Variants in TRAPPC2B observed in about 807,000 individuals in gnomAD.
TRAPPC2B encodes the protein MBP-1 interacting protein-2A.
Under a neutral mutation model 8.4 loss-of-function variants are expected in TRAPPC2B, and 5 were observed. The observed-to-expected ratio is 0.59, with a 90% CI of 0.31 to 1.25. The LOEUF (loss-of-function observed/expected upper bound fraction) is 1.25. Ranked by LOEUF, TRAPPC2B falls within the 50% of genes most tolerant of loss-of-function variation. The pLI is 0.06. For missense variants in TRAPPC2B, 161 were observed against 173.2 expected (o/e 0.93, Z 0.40); for synonymous variants, 46 against 58.1 (o/e 0.79, Z 0.95).
chr19:57,364,443 T>TCGGTGGTCGACGTA, intron 1 of TRAPPC2B: 3 of 206,432 alleles, frequency 1.5e-5, no homozygotes, highest in South Asian at 8.0e-5. Flanking sequence ...GTGTAGATTC[T>TCGGTGGTCGACGTA]TCAAAAGAAT....
Position 57,364,813 on chromosome 19 carries a change from A to T in TRAPPC2B, c.-19-2A>T, listed in dbSNP as rs768593746. The T allele has an allele frequency of 6.3e-7, 1 of 1,582,290 alleles. No individual in the cohort carries two copies. The highest frequency in any genetic ancestry group is 2.3e-5 in the East Asian group (1 of 44,304). On this transcript the variant is annotated splice_acceptor_variant, in intron 1 of 1. Transcript: ENST00000543226. LOFTEE classifies it low-confidence loss of function (5UTR_SPLICE). Reference sequence around the variant, plus strand: ...GTTTCCGTTGTCGGCCTCCCGCTGCAGGAGCCATATATTGAAGACCATGTC... The same window carrying T: ...GTTTCCGTTGTCGGCCTCCCGCTGCTGGAGCCATATATTGAAGACCATGTC...
At position 57,363,679 on chromosome 19, in the gene TRAPPC2B, C is replaced by G. The variant is rs2088438019; in HGVS notation, c.-44C>G. ...CCCCTCTCTTCCCTGGCTGGACTTG[C>G]GGAGTCCCCGCCGAAGAACCCGAGG... On this transcript the variant is annotated 5_prime_UTR_variant, in exon 1 of 2. Transcript: ENST00000543226. 1 of 153,058 alleles carries G rather than the reference C, an allele frequency of 6.5e-6. No individual in the cohort carries two copies. Among genetic ancestry groups the G allele is most frequent in the Non-Finnish European group, 1.5e-5 (1 of 68,292 alleles). 9.5% of individuals were successfully genotyped at this position (153,058 alleles called of 1,614,324 possible). A position where few individuals can be genotyped will look rare whatever the true frequency, so the allele number is the denominator to read the frequency against.
chr19:57,364,905 A>G lies in TRAPPC2B; in HGVS notation c.72A>G (p.Pro24=). ...DNPVFEMEFL[P]AGKAESKDDH... is the part of the protein sequence containing the mutation. The stretch of plus-strand genomic sequence containing the variant: ...CAGTTTTTGAAATGGAGTTTTTGCC[A>G]GCTGGGAAGGCAGAATCCAAAGACG... Residue 24 remains proline (P), a synonymous_variant, in exon 2 of 2, where the codon CCA becomes CCG. Coordinates refer to ENST00000543226, the MANE Select transcript of TRAPPC2B (RefSeq NM_001355204.2). 1.2e-6 allele frequency: 2 copies of G among 1,612,640 alleles called. No homozygotes were observed. Among genetic ancestry groups the G allele is most frequent in the Non-Finnish European group, 1.7e-6 (2 of 1,178,866 alleles).
Position 57,365,103 on chromosome 19 carries a change from A to G in TRAPPC2B, c.270A>G (p.Arg90=). 1.2e-6 allele frequency: 2 copies of G among 1,608,450 alleles called. No individual in the cohort carries two copies. Among genetic ancestry groups the G allele is most frequent in the Non-Finnish European group, 1.7e-6 (2 of 1,175,528 alleles). ...HMRFIMLHDI[R]QEDGIKNFFT... ...GGTTTATTATGCTTCATGACATAAG[A>G]CAAGAAGATGGAATAAAGAACTTCT... The change falls in exon 2 of 2, where the codon AGA becomes AGG. Residue 90 remains arginine, a synonymous_variant. Transcript: ENST00000543226.
chr19:57,364,155 T>C (rs749344990), intron 1 of TRAPPC2B: 1 of 153,062 alleles, frequency 6.5e-6, no homozygotes, highest in Non-Finnish European at 1.4e-5. Context: ...AGAGGGACAA[T>C]GTGATGGGAT....
Position 57,365,160 on chromosome 19 carries a change from T to C in TRAPPC2B, c.327T>C (p.Phe109=), listed in dbSNP as rs1426374917. Residue 109 remains phenylalanine (F), a synonymous_variant, in exon 2 of 2, where the codon TTT becomes TTC. Transcript: ENST00000543226. ...ATGTTTATGATTTATATATAAAATT[T>C]TCAATGAATCCATTTTATGAACCCA... The part of the protein sequence containing the change: ...FTDVYDLYIK[F]SMNPFYEPNS... 6.3e-7 allele frequency: 1 copy of C among 1,595,932 alleles called. No individual in the cohort carries two copies. The highest frequency in any genetic ancestry group is 8.5e-7 in the Non-Finnish European group (1 of 1,169,856).
Position 57,365,097 on chromosome 19 carries a change from C to T in TRAPPC2B, c.264C>T (p.Asp88=), listed in dbSNP as rs1208835127. 1.2e-6 allele frequency: 2 copies of T among 1,609,500 alleles called. No individual in the cohort carries two copies. The highest frequency in any genetic ancestry group is 1.3e-5 in the African/African-American group (1 of 74,940). ...AGHMRFIMLH[D]IRQEDGIKNF... ...ATATGAGGTTTATTATGCTTCATGACATAAGACAAGAAGATGGAATAAAGA... is the reference window on the plus strand; with the variant it reads ...ATATGAGGTTTATTATGCTTCATGATATAAGACAAGAAGATGGAATAAAGA... The change falls in exon 2 of 2, where the codon GAC becomes GAT. Residue 88 remains aspartate, a synonymous_variant. Coordinates refer to ENST00000543226, the MANE Select transcript of TRAPPC2B (RefSeq NM_001355204.2).
chr19:57,365,009 T>C lies in TRAPPC2B; in HGVS notation c.176T>C (p.Met59Thr), dbSNP rs572801179. The C allele has an allele frequency of 3.1e-6, 5 of 1,612,750 alleles. No homozygotes were observed. The highest frequency in any genetic ancestry group is 4.2e-6 in the Non-Finnish European group (5 of 1,178,922). The part of the protein sequence containing the change: ...VDENMWLSNN[M>T]YLKTVDKFNE... ...GAGAACATGTGGCTGTCGAACAACA[T>C]GTACTTGAAAACTGTGGACAAGTTC... Residue 59 changes from methionine to threonine, a missense_variant, in exon 2 of 2, where the codon ATG becomes ACG. Transcript: ENST00000543226.
In TRAPPC2B at chr19:57,365,296, T is replaced by TGTACACATTCCTGA; in HGVS notation, c.*43_*44insCACATTCCTGAGTA. 7.5e-7 allele frequency: 1 copy of TGTACACATTCCTGA among 1,328,888 alleles called. No homozygotes were observed. The highest frequency in any genetic ancestry group is 1.1e-6 in the Non-Finnish European group (1 of 946,280). 82.3% of individuals were successfully genotyped at this position (1,328,888 alleles called of 1,614,324 possible). A position where few individuals can be genotyped will look rare whatever the true frequency, so the allele number is the denominator to read the frequency against. On this transcript the variant is annotated 3_prime_UTR_variant, in exon 2 of 2. Coordinates refer to ENST00000543226, the MANE Select transcript of TRAPPC2B (RefSeq NM_001355204.2). ...AAAATAAATTATATCACCACAATGGTGTATACTCAGGAATGTGTACATTGT... is the reference window on the plus strand; with the variant it reads ...AAAATAAATTATATCACCACAATGGTGTACACATTCCTGAGTATACTCAGGAATGTGTACATTGT...
rs534145442 is a variant in TRAPPC2B at position 57,364,598 on chromosome 19, G to C, written c.-19-217G>C. On this transcript the variant is annotated intron_variant, in intron 1 of 1. Transcript: ENST00000543226. Reference sequence around the variant, plus strand: ...TTTAGTAAAAATACAAAAATTAGCCGGGGGTGGTGACGCGCGCCTGTAATC... The same window carrying C: ...TTTAGTAAAAATACAAAAATTAGCCCGGGGTGGTGACGCGCGCCTGTAATC... 1,178 of 573,494 alleles carry C rather than the reference G, an allele frequency of 2.1e-3. 2 individuals carry two copies. The highest frequency in any genetic ancestry group is 3.1e-3 in the Admixed American group (101 of 32,774). 35.5% of individuals were successfully genotyped at this position (573,494 alleles called of 1,614,324 possible).
In TRAPPC2B at chr19:57,365,052, A is replaced by C. The variant is rs1043305; in HGVS notation, c.219A>C (p.Ser73=). ...TVDKFNEWFV[S]AFVTAGHMRF... ...ACAAGTTCAACGAGTGGTTTGTGTCAGCATTTGTCACCGCGGGGCATATGA... is the reference window on the plus strand; with the variant it reads ...ACAAGTTCAACGAGTGGTTTGTGTCCGCATTTGTCACCGCGGGGCATATGA... Residue 73 remains serine (S), a synonymous_variant, in exon 2 of 2, where the codon TCA becomes TCC. Coordinates refer to ENST00000543226, the MANE Select transcript of TRAPPC2B (RefSeq NM_001355204.2). 6.2e-7 allele frequency: 1 copy of C among 1,611,824 alleles called. No individual in the cohort carries two copies. The highest frequency in any genetic ancestry group is 2.2e-5 in the East Asian group (1 of 44,878).
At chr19:57,364,483 CG>C in intron 1 of TRAPPC2B, 1 of 339,858 alleles carries the variant, frequency 2.9e-6, no homozygotes, top group South Asian at 2.9e-5. Flanking sequence ...TGGCTCACGC[CG>C]GTAATCCCAG....
chr19:57,365,016 G>C lies in TRAPPC2B; in HGVS notation c.183G>C (p.Leu61Phe). The change falls in exon 2 of 2, where the codon TTG becomes TTC. Residue 61 changes from leucine to phenylalanine, a missense_variant. Leu to Phe is a conservative substitution (Grantham distance 22). Transcript: ENST00000543226. ...ENMWLSNNMY[L>F]KTVDKFNEWF... is the part of the protein sequence containing the mutation. ...TGTGGCTGTCGAACAACATGTACTT[G>C]AAAACTGTGGACAAGTTCAACGAGT... 1 of 1,612,398 alleles carries C rather than the reference G, an allele frequency of 6.2e-7. No individual in the cohort carries two copies. Among genetic ancestry groups the C allele is most frequent in the South Asian group, 1.1e-5 (1 of 90,978 alleles).
intron 1 of TRAPPC2B, chr19:57,364,440 T>TCTCGGAGGACGCCGTA: frequency 3.5e-6 from 1 of 282,548 alleles, no homozygotes; most frequent in South Asian, 3.8e-5. Context: ...CTGGTGTAGA[T>TCTCGGAGGACGCCGTA]TCTTCAAAAG....
intron 1 of TRAPPC2B, 73 bp from the exon 2 acceptor site, chr19:57,364,742 A>T: frequency 8.9e-7 from 1 of 1,117,606 alleles, no homozygotes; most frequent in Non-Finnish European, 1.3e-6. Flanking sequence ...TTCCGTGTCA[A>T]AAAAAGGTGC....
In TRAPPC2B at chr19:57,365,090, T is replaced by C. The variant is rs533877596; in HGVS notation, c.257T>C (p.Leu86Pro). The C allele has an allele frequency of 3.0e-5, 48 of 1,609,858 alleles. 3 individuals are homozygous for C. In the South Asian group the frequency reaches 5.3e-4, roughly 18 times the overall value. Reference sequence around the variant, plus strand: ...GCGGGGCATATGAGGTTTATTATGCTTCATGACATAAGACAAGAAGATGGA... The same window carrying C: ...GCGGGGCATATGAGGTTTATTATGCCTCATGACATAAGACAAGAAGATGGA... ...VTAGHMRFIMLHDIRQEDGIK... is the reference protein window; with the variant it reads ...VTAGHMRFIMPHDIRQEDGIK... Residue 86 changes from leucine to proline, a missense_variant, in exon 2 of 2, where the codon CTT (leucine) becomes CCT (proline). Transcript: ENST00000543226.
In TRAPPC2B at chr19:57,364,851, C is replaced by T. The variant is rs1048501628; in HGVS notation, c.18C>T (p.Tyr6=). 6.2e-7 allele frequency: 1 copy of T among 1,609,166 alleles called. No individual in the cohort carries two copies. Among genetic ancestry groups the T allele is most frequent in the African/African-American group, 1.3e-5 (1 of 74,856 alleles). ...TGAAGACCATGTCTGGAAGCTTCTACTTTGTAATTGTTGGTCACCATGATA... is the reference window on the plus strand; with the variant it reads ...TGAAGACCATGTCTGGAAGCTTCTATTTTGTAATTGTTGGTCACCATGATA... MSGSF[Y]FVIVGHHDNP... Residue 6 remains tyrosine (Y), a synonymous_variant, in exon 2 of 2, where the codon TAC becomes TAT. Coordinates refer to ENST00000543226, the MANE Select transcript of TRAPPC2B (RefSeq NM_001355204.2).
chr19:57,364,715 T>C, intron 1 of TRAPPC2B, 100 bp from the exon 2 acceptor site: 1 of 866,414 alleles, frequency 1.2e-6, no homozygotes, highest in Non-Finnish European at 1.8e-6. Context: ...CACTCCAGCC[T>C]GGGCGACAGA....
At chr19:57,364,613 C>G (rs1019860997) in intron 1 of TRAPPC2B, 3 of 589,680 alleles carry the variant, frequency 5.1e-6, no homozygotes, top group Non-Finnish European at 9.0e-6. Context: ...TGGTGACGCG[C>G]GCCTGTAATC....
Sources: allele counts gnomAD v4.1 joint callset, GRCh38; gene constraint gnomAD v4.1.1; transcripts MANE v1.5; gene names NCBI Gene and HGNC (gene_info 2026-07-23, HGNC 2026-07-21).